PREX1: variants seen among roughly 807,000 people sequenced by gnomAD.
The protein encoded by PREX1 is phosphatidylinositol 3,4,5-trisphosphate-dependent Rac exchanger 1 protein.
A neutral mutation model predicts 198.3 loss-of-function variants in PREX1; 41 were observed. The observed-to-expected ratio is 0.21, with a 90% CI of 0.16 to 0.27. The LOEUF (loss-of-function observed/expected upper bound fraction) is 0.27. Among genes scored for constraint, PREX1 ranks in the 10% least tolerant of loss-of-function variants. The probability of loss-of-function intolerance (pLI) is 1.00; values close to 1 mark genes in which losing one functional copy is unlikely to be tolerated. For missense variants in PREX1, 1,620 were observed against 2,200.7 expected (o/e 0.74, Z 5.28); for synonymous variants, 843 against 887.2 (o/e 0.95, Z 0.89).
intron 20 of PREX1, among the ~76,000 whole-genome samples, 166 bp downstream of exon 20, chr20:48,653,195 C>A (rs770079055): frequency 1.3e-5 from 2 of 152,260 alleles, no homozygotes; most frequent in East Asian, 3.9e-4. Context: ...AAGGATGCAG[C>A]GGGAGCACAA....
chr20:48,866,060 C>A, the PREX1 span, among the ~76,000 whole-genome samples: 1 of 151,822 alleles, frequency 6.6e-6, no homozygotes, highest in Non-Finnish European at 1.5e-5. Context: ...GCAATCCTCT[C>A]ACCTCAGCCT....
rs533138096 is a variant in PREX1 at position 48,625,756 on chromosome 20, G to T, written c.*129C>A. On this transcript the variant is annotated 3_prime_UTR_variant, in exon 40 of 40. Transcript: ENST00000371941. Reference sequence around the variant, plus strand: ...TGTCCCGGAAGGAGGCAGGGAGGACGCTGGGCAGGTCCCGGAACGGGCGGC... The same window carrying T: ...TGTCCCGGAAGGAGGCAGGGAGGACTCTGGGCAGGTCCCGGAACGGGCGGC... 27 of 1,143,220 alleles carry T rather than the reference G, an allele frequency of 2.4e-5. No homozygotes were observed. The highest frequency in any genetic ancestry group is 3.1e-5 in the Non-Finnish European group (26 of 833,982). The allele number at this position is 1,143,220 out of a possible 1,614,324, so 70.8% of individuals were successfully genotyped here.
intron 1 of PREX1, among the ~76,000 whole-genome samples, chr20:48,795,909 T>C (rs2090360382): frequency 6.6e-6 from 1 of 152,132 alleles, no homozygotes; most frequent in African/African-American, 2.4e-5. Context: ...CCAAAACAAA[T>C]GCACGTGCTC....
chr20:48,811,911 G>A (rs1335981211), intron 1 of PREX1, among the ~76,000 whole-genome samples: 1 of 152,256 alleles, frequency 6.6e-6, no homozygotes, highest in African/African-American at 2.4e-5. Flanking sequence ...CGGAATAGGA[G>A]TCAGAAAACC....
Position 48,700,800 on chromosome 20 carries a change from G to A in PREX1, c.870C>T (p.Ala290=). ...KISAGNIQER[A]FFLFDNLLVY... ...CGAGAAGGTTGTCGAAGAGGAAGAA[G>A]GCCCTTTCCTGGATGTTGCCCGCAG... The change falls in exon 7 of 40, where the codon GCC becomes GCT. Residue 290 remains alanine (A), a synonymous_variant. Coordinates refer to ENST00000371941, the MANE Select transcript of PREX1 (RefSeq NM_020820.4). 1 of 1,613,992 alleles carries A rather than the reference G, an allele frequency of 6.2e-7. No homozygotes were observed. The highest frequency in any genetic ancestry group is 1.1e-5 in the South Asian group (1 of 91,078).
In PREX1 at chr20:48,684,089, T is replaced by C. The variant is rs2089770317; in HGVS notation, c.1335-2754A>G. 6.6e-6 allele frequency among the ~76,000 whole-genome samples: 1 copy of C among 152,084 alleles called. No individual in the cohort carries two copies. Among genetic ancestry groups the C allele is most frequent in the South Asian group, 2.1e-4 (1 of 4,826 alleles). On this transcript the variant is annotated intron_variant, in intron 10 of 39. Coordinates refer to ENST00000371941, the MANE Select transcript of PREX1 (RefSeq NM_020820.4). This position sits in a 1 kb window ranked among gnomAD's most constrained non-coding sequence, Gnocchi z 4.2. ...AGTCTGAGAGTCAGGGATGGCATGGTGAGCTGAGAGTTAGGATGTGTCAGC... is the reference window on the plus strand; with the variant it reads ...AGTCTGAGAGTCAGGGATGGCATGGCGAGCTGAGAGTTAGGATGTGTCAGC...
chr20:48,750,258 T>TGA (rs2122792213), intron 1 of PREX1, among the ~76,000 whole-genome samples: 1 of 152,284 alleles, frequency 6.6e-6, no homozygotes, highest in South Asian at 2.1e-4. Flanking sequence ...CATCATCTCC[T>TGA]GCCTGGACTA....
intron 7 of PREX1, among the ~76,000 whole-genome samples, chr20:48,698,027 T>C (rs897027648): frequency 2.6e-4 from 39 of 152,298 alleles, no homozygotes; most frequent in African/African-American, 7.2e-4. Context: ...CCACCCACCA[T>C]TGCCCAATCT....
Position 48,653,486 on chromosome 20 carries a change from T to A in PREX1, c.2221A>T (p.Met741Leu). The A allele has an allele frequency of 6.2e-7, 1 of 1,611,670 alleles. No individual in the cohort carries two copies. The highest frequency in any genetic ancestry group is 2.2e-5 in the East Asian group (1 of 44,848). ...TGACCAGCACAGAGCCCTGCAGCCA[T>A]GGCCTCAGAGCCTAAGGGGAACAGG... is the stretch of plus-strand genomic sequence containing the variant. ...VYAVGRGSEA[M>L]AAGLCAGQCI... The change falls in exon 20 of 40, where the codon ATG (methionine) becomes TTG (leucine). Residue 741 changes from methionine (M) to leucine (L), a missense_variant. Around this residue, in one of 7 missense-constraint regions of PREX1, gnomAD observed 514 missense variants for 611.6 expected, o/e 0.84. Transcript: ENST00000371941.
rs374180145 is a variant in PREX1, at chr20:48,657,135, C to T, written c.2028G>A (p.Val676=). 19 of 1,613,148 alleles carry T rather than the reference C, an allele frequency of 1.2e-5. No individual in the cohort carries two copies. In the African/African-American group the frequency reaches 1.9e-4, roughly 16 times the overall value. The change falls in exon 18 of 40, where the codon GTG becomes GTA. Residue 676 remains valine, a synonymous_variant. Coordinates refer to ENST00000371941, the MANE Select transcript of PREX1 (RefSeq NM_020820.4). ...RKIYSINEDL[V]FLRPFSEVES... ...CCACCTCTGAAAACGGCCGCAGGAA[C>T]ACCAGGTCCTCATTGATGGAGTAGA...
intron 35 of PREX1, 141 bp downstream of exon 35, chr20:48,632,136 G>C (rs4810844): frequency 0.093 from 71,604 of 767,314 alleles, 3,944 homozygotes; most frequent in East Asian, 0.17. Context: ...AGGCAAGAGT[G>C]CTGTCACACA....
intron 10 of PREX1, among the ~76,000 whole-genome samples, chr20:48,687,013 G>C (rs920979384): frequency 2.0e-5 from 3 of 152,118 alleles, no homozygotes; most frequent in African/African-American, 7.2e-5. Flanking sequence ...TTCCGGAGGA[G>C]TGCCACCTTC....
At chr20:48,779,734 A>G (rs1443694878) in intron 1 of PREX1, among the ~76,000 whole-genome samples, 1 of 152,250 alleles carries the variant, frequency 6.6e-6, no homozygotes, top group African/African-American at 2.4e-5. Context: ...GGTGACTGAA[A>G]GAAGCCAGTC....
chr20:48,837,982 G>C, the PREX1 span, among the ~76,000 whole-genome samples: 1 of 152,104 alleles, frequency 6.6e-6, no homozygotes, highest in Non-Finnish European at 1.5e-5. Context: ...GATACAAAAA[G>C]GTATTATACA....
At chr20:48,797,436 T>A (rs895161071) in intron 1 of PREX1, among the ~76,000 whole-genome samples, 2 of 146,792 alleles carry the variant, frequency 1.4e-5, no homozygotes, top group East Asian at 4.1e-4. Context: ...GGGAACAATA[T>A]CCCCTTTTAC....
At position 48,684,189 on chromosome 20, in the gene PREX1, G is replaced by A. The variant is rs942009593; in HGVS notation, c.1335-2854C>T. Among the ~76,000 whole-genome samples, 1 of 152,090 alleles carries A rather than the reference G, an allele frequency of 6.6e-6. No homozygotes were observed. The highest frequency in any genetic ancestry group is 2.4e-5 in the African/African-American group (1 of 41,398). On this transcript the variant is annotated intron_variant, in intron 10 of 39. Transcript: ENST00000371941. The surrounding 1 kb of genome is among the most constrained non-coding windows in gnomAD (Gnocchi z 4.2). ...ATCTATTTAGCCTACAATGGGCCAC[G>A]GCCAGGGTGAGGCACAAGGAATACA...
At chr20:48,754,241 G>A (rs576349000) in intron 1 of PREX1, among the ~76,000 whole-genome samples, 2 of 152,338 alleles carry the variant, frequency 1.3e-5, no homozygotes, top group South Asian at 4.1e-4. Context: ...CAAACTCGAG[G>A]AGGCAGGCAT....
intron 1 of PREX1, among the ~76,000 whole-genome samples, chr20:48,799,649 A>G (rs556142820): frequency 1.3e-5 from 2 of 152,110 alleles, no homozygotes; most frequent in East Asian, 3.9e-4. Context: ...TGTGTACCCC[A>G]TGGGTAAGGG....
In PREX1 at chr20:48,666,692, A is replaced by AT. The variant is rs2089643163; in HGVS notation, c.1666-338dup. On this transcript the variant is annotated intron_variant, in intron 14 of 39. Transcript: ENST00000371941. The surrounding 1 kb of genome is among the most constrained non-coding windows in gnomAD (Gnocchi z 4.3). Reference sequence around the variant, plus strand: ...AGGCACCTGCCACCACGCCCGGCTAATTTTTTGTATTTTTAGTAGAGACGG... The same window carrying AT: ...AGGCACCTGCCACCACGCCCGGCTAATTTTTTTGTATTTTTAGTAGAGACGG... Among the ~76,000 whole-genome samples the AT allele has an allele frequency of 2.7e-5, 4 of 150,300 alleles. 1 individual carries two copies. Among genetic ancestry groups the AT allele is most frequent in the African/African-American group, 9.8e-5 (4 of 40,794 alleles).
Sources: allele counts gnomAD v4.1 joint callset (sites outside exome capture counted in the v4.1 genomes callset), GRCh38; gene constraint gnomAD v4.1.1; regional missense constraint gnomAD v4.1.1; non-coding constraint Gnocchi (gnomAD v3.1); transcripts MANE v1.5; gene names NCBI Gene and HGNC (gene_info 2026-07-23, HGNC 2026-07-21).